The following BRI3 variants were observed in gnomAD, a reference collection of about 807,000 sequenced individuals.
BRI3 encodes the protein membrane protein BRI3.
Under a neutral mutation model 12.8 loss-of-function variants are expected in BRI3, and 6 were observed. That is an observed-to-expected ratio of 0.47 (90% CI 0.26 to 0.93). The LOEUF (loss-of-function observed/expected upper bound fraction) is 0.93. Among genes scored for constraint, BRI3 ranks in the 40% least tolerant of loss-of-function variants. BRI3 has a pLI of 0.15. For missense variants in BRI3, 134 were observed against 171.1 expected, an observed-to-expected ratio of 0.78 and a Z score of 1.21; for synonymous variants, 91 against 76.1, an observed-to-expected ratio of 1.20 and a Z score of -1.02.
At chr7:98,320,580 C>T in the BRI3 span, among the ~76,000 whole-genome samples, 38 of 152,240 alleles carry the variant, frequency 2.5e-4, no homozygotes, top group Non-Finnish European at 5.1e-4. Context: ...AGGTGATCAA[C>T]TGCCTTGGCC....
the BRI3 span, chr7:98,315,617 A>AC: frequency 8.7e-7 from 1 of 1,152,524 alleles, no homozygotes; most frequent in Non-Finnish European, 1.1e-6. Flanking sequence ...CACATACTAA[A>AC]AAAAAAAAAA....
intron 2 of BRI3, among the ~76,000 whole-genome samples, chr7:98,287,149 C>G: frequency 6.6e-6 from 1 of 152,304 alleles, no homozygotes; most frequent in Admixed American, 6.5e-5. Flanking sequence ...CCTCCTGGGA[C>G]AGCTGGATCT....
downstream of BRI3, chr7:98,312,301 G>A (rs758602680): frequency 6.4e-7 from 1 of 1,567,164 alleles, no homozygotes; most frequent in Non-Finnish European, 8.6e-7. Flanking sequence ...AGACAAAGAA[G>A]ATTGTCTGAA....
rs185425139 is a variant in BRI3 at position 98,291,036 on chromosome 7, C to T, written c.246-75C>T. The T allele has an allele frequency of 9.9e-4, 1,545 of 1,559,952 alleles. 24 individuals carry two copies. In the East Asian group the frequency reaches 0.03, roughly 30 times the overall value. On this transcript the variant is annotated intron_variant, in intron 2 of 2. Coordinates refer to ENST00000297290, the MANE Select transcript of BRI3 (RefSeq NM_015379.5). The stretch of plus-strand genomic sequence containing the variant: ...ATGGCCACTGGTTGGTTATTGAATG[C>T]AAGGGTGGCAGGGGTGAGGGTTCTG...
chr7:98,301,686 C>T (rs1004086080), upstream of BRI3, among the ~76,000 whole-genome samples: 6 of 151,744 alleles, frequency 4.0e-5, no homozygotes, highest in East Asian at 1.9e-4. Context: ...TGCACACGCG[C>T]GTCTGTGTGT....
exon 2 of BRI3, chr7:98,307,687 AC>A: frequency 6.2e-7 from 1 of 1,613,790 alleles, no homozygotes; most frequent in Non-Finnish European, 8.5e-7. Context: ...GCCCAGACTT[AC>A]GCCTTGGACA....
At chr7:98,313,066 CTGA>C (rs1800929990), downstream of BRI3, among the ~76,000 whole-genome samples, 3 of 151,628 alleles carry the variant, frequency 2.0e-5, 1 homozygote, top group Admixed American at 6.6e-5. Context: ...TGGTGGGGGG[CTGA>C]TGTCAGTCCT....
chr7:98,319,739 T>A, the BRI3 span, among the ~76,000 whole-genome samples: 3 of 151,952 alleles, frequency 2.0e-5, no homozygotes, highest in Admixed American at 6.6e-5. Context: ...TGAGTAGAGA[T>A]GGGGTTTCAC....
In BRI3 at chr7:98,291,159, C is replaced by T. The variant is rs535071936; in HGVS notation, c.294C>T (p.Ala98=). The change falls in exon 3 of 3, where the codon GCC becomes GCT. Residue 98 remains alanine, a synonymous_variant. Transcript: ENST00000297290. ...TCACCTTCCTGGGCATCTTCCTGGC[C>T]ATCATCCTCTTCCCCTTTGGGTTCA... The part of the protein sequence containing the change: ...DCFTFLGIFL[A]IILFPFGFIC... 1.4e-5 allele frequency: 23 copies of T among 1,614,196 alleles called. No individual in the cohort carries two copies. Among genetic ancestry groups the T allele is most frequent in the South Asian group, 7.7e-5 (7 of 91,080 alleles).
chr7:98,317,309 A>G, the BRI3 span: 1 of 1,614,198 alleles, frequency 6.2e-7, no homozygotes, highest in Non-Finnish European at 8.5e-7. Context: ...ATTTCTCCAA[A>G]GACTCTAATT....
chr7:98,307,846 G>C, exon 2 of BRI3: 1 of 1,614,250 alleles, frequency 6.2e-7, no homozygotes, highest in Non-Finnish European at 8.5e-7. Context: ...ATCATGTTCA[G>C]TCCCGTTGCA....
upstream of BRI3, chr7:98,306,348 G>A: frequency 6.8e-7 from 1 of 1,470,128 alleles, no homozygotes; most frequent in South Asian, 1.1e-5. Flanking sequence ...CTTAGGGCAG[G>A]GCCTGCGACA....
upstream of BRI3, among the ~76,000 whole-genome samples, chr7:98,305,134 G>A (rs1488293540): frequency 7.3e-6 from 1 of 137,438 alleles, no homozygotes; most frequent in Non-Finnish European, 1.5e-5. Flanking sequence ...CAGGTGATCT[G>A]CCCGCCTCGG....
upstream of BRI3, among the ~76,000 whole-genome samples, chr7:98,304,013 G>C (rs1418357246): frequency 6.6e-6 from 1 of 152,170 alleles, no homozygotes; most frequent in African/African-American, 2.4e-5. Context: ...GAGGTGAAAG[G>C]CTGCATGACA....
chr7:98,317,072 C>G, the BRI3 span: 1 of 988,520 alleles, frequency 1.0e-6, no homozygotes, highest in South Asian at 1.6e-5. Context: ...AGGCTGGTCT[C>G]GAACTCCTGA....
upstream of BRI3, among the ~76,000 whole-genome samples, chr7:98,306,020 G>A (rs1028831516): frequency 2.6e-5 from 4 of 152,168 alleles, no homozygotes; most frequent in Non-Finnish European, 2.9e-5. Context: ...AAGAGCTGGT[G>A]AGGCAGAAGA....
At chr7:98,293,719 C>G, downstream of BRI3, 1 of 865,976 alleles carries the variant, frequency 1.2e-6, no homozygotes. Flanking sequence ...CCAGCTTGTA[C>G]AGGTCCCAGC....
At chr7:98,286,779 A>AT (rs771130554) in intron 2 of BRI3, among the ~76,000 whole-genome samples, 5 of 152,256 alleles carry the variant, frequency 3.3e-5, no homozygotes, top group African/African-American at 4.8e-5. Flanking sequence ...TAAAACTTTA[A>AT]TATTTCTGCA....
intron 2 of BRI3, 80 bp from the exon 3 acceptor site, chr7:98,291,031 G>T (rs1473612949): frequency 6.5e-7 from 1 of 1,540,364 alleles, no homozygotes; most frequent in East Asian, 2.3e-5. Flanking sequence ...GTTGGTTATT[G>T]AATGCAAGGG....
Sources: gnomAD v4.1 joint callset for allele counts (sites outside exome capture counted in the v4.1 genomes callset) on GRCh38, gnomAD v4.1.1 for gene constraint, MANE v1.5 for transcripts, NCBI Gene and HGNC (gene_info 2026-07-23, HGNC 2026-07-21) for gene names.